The following RAD18 variants were observed in gnomAD, a reference collection of about 807,000 sequenced individuals.
The protein encoded by RAD18 is RAD18 E3 ubiquitin protein ligase, also known as E3 ubiquitin-protein ligase RAD18.
RAD18 carries 47 observed loss-of-function variants against 60.4 expected under a neutral mutation model. That is an observed-to-expected ratio of 0.78 (90% CI 0.62 to 0.99). The LOEUF is 0.99. RAD18 is among the 50% of genes least tolerant of loss of function. The probability of loss-of-function intolerance (pLI) is 0.00; values close to 1 mark genes in which losing one functional copy is unlikely to be tolerated. For synonymous variants in RAD18, 225 were observed against 195.5 expected (o/e 1.15, Z -1.26); for missense variants, 640 against 593.3 (o/e 1.08, Z -0.82).
chr3:8,925,570 C>T (rs1940418551), intron 7 of RAD18, among the ~76,000 whole-genome samples: 1 of 152,170 alleles, frequency 6.6e-6, no homozygotes, highest in Admixed American at 6.5e-5. Context: ...ATGAGACCAG[C>T]ATCATCCTGA....
Position 8,953,180 on chromosome 3 carries a change from T to G in RAD18, c.134-4610A>C, listed in dbSNP as rs190042928. ...TACTTATATAAATATGTACTATGTA[T>G]AGTTATATAATGTATACTTATACAA... is the stretch of plus-strand genomic sequence containing the variant. On this transcript the variant is annotated intron_variant, in intron 2 of 12. Transcript: ENST00000264926. Among the ~76,000 whole-genome samples the G allele has an allele frequency of 4.8e-3, 722 of 150,604 alleles. 2 individuals carry two copies. Among genetic ancestry groups the G allele is most frequent in the Non-Finnish European group, 8.0e-3 (539 of 67,696 alleles).
chr3:8,920,441 A>G (rs1281714664), intron 7 of RAD18, among the ~76,000 whole-genome samples: 3 of 152,222 alleles, frequency 2.0e-5, no homozygotes, highest in Non-Finnish European at 2.9e-5. Flanking sequence ...GTTTAGAGAA[A>G]AATTACCAAA....
At chr3:8,901,467 A>T (rs1939912427) in intron 10 of RAD18, among the ~76,000 whole-genome samples, 1 of 152,172 alleles carries the variant, frequency 6.6e-6, no homozygotes, top group Non-Finnish European at 1.5e-5. Context: ...CAAAAATTTT[A>T]AAATATTTTA....
rs1265223132 is a variant in RAD18 at position 8,959,020 on chromosome 3, T to C, written c.52-19A>G. 1.3e-6 allele frequency: 2 copies of C among 1,598,500 alleles called. No individual in the cohort carries two copies. Among genetic ancestry groups the C allele is most frequent in the Admixed American group, 1.7e-5 (1 of 59,856 alleles). ...CTATTGTCTGAAATGCAAATATGCA[T>C]ATATACATATCAGAAAGACATCAAA... is the stretch of plus-strand genomic sequence containing the variant. On this transcript the variant is annotated intron_variant, in intron 1 of 12. Transcript: ENST00000264926.
At chr3:8,911,369 C>G (rs1481914860) in intron 9 of RAD18, among the ~76,000 whole-genome samples, 3 of 152,108 alleles carry the variant, frequency 2.0e-5, no homozygotes, top group Admixed American at 1.3e-4. Context: ...CCTTAGTGAT[C>G]CTTATTTTTC....
intron 1 of RAD18, among the ~76,000 whole-genome samples, chr3:8,962,917 T>C: frequency 6.6e-6 from 1 of 152,186 alleles, no homozygotes; most frequent in East Asian, 1.9e-4. Flanking sequence ...TAAAGGAGAC[T>C]ACCTGCTTGG....
intron 7 of RAD18, among the ~76,000 whole-genome samples, chr3:8,921,315 A>G (rs1328376373): frequency 1.3e-5 from 2 of 152,212 alleles, no homozygotes; most frequent in African/African-American, 2.4e-5. Flanking sequence ...TCAGACAAAC[A>G]GAAGCTGAGA....
intron 1 of RAD18, among the ~76,000 whole-genome samples, chr3:8,962,659 C>G (rs896600087): frequency 1.3e-5 from 2 of 152,180 alleles, no homozygotes; most frequent in African/African-American, 4.8e-5. Context: ...CAGGGCCCAC[C>G]ACTACTGTAA....
In RAD18 at chr3:8,898,887, T is replaced by G. The variant is rs757019187; in HGVS notation, c.1322+7A>C. 6.4e-7 allele frequency: 1 copy of G among 1,564,686 alleles called. No homozygotes were observed. Among genetic ancestry groups the G allele is most frequent in the Non-Finnish European group, 8.7e-7 (1 of 1,150,682 alleles). ...TTTAAAATAATCAACTACTGCATGTTTCTTACCTATTGCATGAATCTGATT... is the reference window on the plus strand; with the variant it reads ...TTTAAAATAATCAACTACTGCATGTGTCTTACCTATTGCATGAATCTGATT... On this transcript the variant is annotated splice_region_variant and intron_variant, in intron 11 of 12. Coordinates refer to ENST00000264926, the MANE Select transcript of RAD18 (RefSeq NM_020165.4).
intron 11 of RAD18, among the ~76,000 whole-genome samples, chr3:8,897,516 A>G (rs916772789): frequency 2.0e-5 from 3 of 152,172 alleles, no homozygotes; most frequent in African/African-American, 7.2e-5. Context: ...CCACCCTGAG[A>G]ACGCCCAGTT....
rs1575538656 is a variant in RAD18 at position 8,904,207 on chromosome 3, T to G, written c.1028-1687A>C. Among the ~76,000 whole-genome samples the G allele has an allele frequency of 2.6e-5, 4 of 152,340 alleles. No homozygotes were observed. The East Asian group carries it at 7.7e-4, about 29-fold the overall frequency. On this transcript the variant is annotated intron_variant, in intron 9 of 12. Transcript: ENST00000264926. ...CTCCTTCTTTGATCACCTCATAATA[T>G]CAGTCTTCTCTCTACTAATGAGTTT...
At chr3:8,909,911 A>T (rs1213718737) in intron 9 of RAD18, among the ~76,000 whole-genome samples, 2 of 152,252 alleles carry the variant, frequency 1.3e-5, no homozygotes. Context: ...AGGCCATCCT[A>T]GGCCGCAGTT....
At chr3:8,895,154 A>C (rs550770721) in intron 11 of RAD18, among the ~76,000 whole-genome samples, 13 of 152,292 alleles carry the variant, frequency 8.5e-5, no homozygotes, top group Non-Finnish European at 1.5e-4. Context: ...CCTGAAACAG[A>C]ATGAACCATT....
At chr3:8,941,055 C>T (rs573238889) in intron 5 of RAD18, among the ~76,000 whole-genome samples, 20 of 152,088 alleles carry the variant, frequency 1.3e-4, no homozygotes, top group Non-Finnish European at 2.8e-4. Flanking sequence ...AGCAATAAGG[C>T]GGGATGACTA....
intron 2 of RAD18, among the ~76,000 whole-genome samples, chr3:8,950,365 T>A (rs1438629086): frequency 6.6e-6 from 1 of 152,198 alleles, no homozygotes; most frequent in African/African-American, 2.4e-5. Flanking sequence ...AAGCCCTCCC[T>A]CAGAAGAAAC....
chr3:8,938,884 T>C (rs1940698135), intron 6 of RAD18, among the ~76,000 whole-genome samples: 1 of 152,202 alleles, frequency 6.6e-6, no homozygotes, highest in African/African-American at 2.4e-5. Flanking sequence ...TTGACTAGTA[T>C]TTCATTCCTG....
At chr3:8,892,859 T>C (rs1380850619) in intron 11 of RAD18, among the ~76,000 whole-genome samples, 2 of 152,190 alleles carry the variant, frequency 1.3e-5, no homozygotes, top group Non-Finnish European at 2.9e-5. Flanking sequence ...TAAGTTGAGG[T>C]CCCATTTCTG....
At chr3:8,893,815 T>C (rs1939739548) in intron 11 of RAD18, among the ~76,000 whole-genome samples, 1 of 149,394 alleles carries the variant, frequency 6.7e-6, no homozygotes, top group African/African-American at 2.5e-5. Flanking sequence ...TCCCACCACA[T>C]CTCCTGAGTA....
At chr3:8,916,551 A>G (rs1940202853) in intron 7 of RAD18, among the ~76,000 whole-genome samples, 1 of 152,248 alleles carries the variant, frequency 6.6e-6, no homozygotes. Context: ...ATGAAAAAGC[A>G]GCAAATTATG....
Sources: gnomAD v4.1 joint callset for allele counts (sites outside exome capture counted in the v4.1 genomes callset) on GRCh38, gnomAD v4.1.1 for gene constraint, MANE v1.5 for transcripts, NCBI Gene and HGNC (gene_info 2026-07-23, HGNC 2026-07-21) for gene names.